STX2: variants seen among roughly 807,000 people sequenced by gnomAD.
STX2 encodes the protein syntaxin-2.
A neutral mutation model predicts 40.6 loss-of-function variants in STX2; 27 were observed. That is an observed-to-expected ratio of 0.66 (90% CI 0.49 to 0.92). STX2 has a LOEUF of 0.92. Ranked by LOEUF, STX2 falls within the 40% of genes least tolerant of loss-of-function variation. STX2 has a pLI of 0.00. For missense variants in STX2, 328 were observed against 366.1 expected (o/e 0.90, Z 0.85); for synonymous variants, 123 against 119.1 (o/e 1.03, Z -0.22).
intron 3 of STX2, among the ~76,000 whole-genome samples, chr12:130,814,030 G>GGGT (rs2136292139): frequency 6.6e-6 from 1 of 152,316 alleles, no homozygotes; most frequent in African/African-American, 2.4e-5. Flanking sequence ...AGCATACGCA[G>GGGT]GGTGCCCCGA....
rs566695954 is a variant in STX2, at chr12:130,837,730, A to T, written c.30+1340T>A. Among the ~76,000 whole-genome samples the T allele has an allele frequency of 2.6e-5, 4 of 152,328 alleles. No homozygotes were observed. The East Asian group carries it at 7.7e-4, about 29-fold the overall frequency. ...GAGTGAGCCACAGCTTTTCTTCATT[A>T]AATAAATACCTGAGCTCCTACTACA... On this transcript the variant is annotated intron_variant, in intron 1 of 10. Transcript: ENST00000392373.
intron 6 of STX2, among the ~76,000 whole-genome samples, chr12:130,803,729 G>C (rs2178073): frequency 0.98 from 147,554 of 150,458 alleles, 72,415 homozygotes; most frequent in East Asian, 1. Flanking sequence ...GTTCACAAAG[G>C]TCTTCCCACC....
In STX2 at chr12:130,799,003, C is replaced by A. The variant is rs375405027; in HGVS notation, c.676-368G>T. Among the ~76,000 whole-genome samples the A allele has an allele frequency of 3.8e-4, 58 of 152,282 alleles. No homozygotes were observed. The East Asian group carries it at 5.4e-3, about 14-fold the overall frequency. ...TATTTTACCATTATGCACAGACAGA[C>A]AATATACAAAGAATGACATCTTTTC... On this transcript the variant is annotated intron_variant, in intron 8 of 10. Transcript: ENST00000392373.
intron 4 of STX2, chr12:130,812,474 A>C (rs780079260): frequency 8.0e-6 from 3 of 374,492 alleles, no homozygotes; most frequent in Non-Finnish European, 1.6e-5. Flanking sequence ...TATCATCTGC[A>C]CAGAGATTGT....
chr12:130,805,603 C>T (rs950578421), intron 6 of STX2, among the ~76,000 whole-genome samples: 1 of 152,186 alleles, frequency 6.6e-6, no homozygotes, highest in African/African-American at 2.4e-5. Context: ...ATGAGGTTCA[C>T]GGCCATCAGA....
intron 3 of STX2, among the ~76,000 whole-genome samples, chr12:130,817,241 T>G (rs907699368): frequency 6.6e-6 from 1 of 152,118 alleles, no homozygotes; most frequent in African/African-American, 2.4e-5. Context: ...TGTAAGATCA[T>G]AAATTTTGTC....
At chr12:130,806,518 C>T (rs1199895863) in intron 6 of STX2, among the ~76,000 whole-genome samples, 1 of 152,172 alleles carries the variant, frequency 6.6e-6, no homozygotes, top group Non-Finnish European at 1.5e-5. Flanking sequence ...AACCTTTATC[C>T]CTGAAACAGA....
At position 130,811,600 on chromosome 12, in the gene STX2, C is replaced by T. The variant is rs181804639; in HGVS notation, c.280+1357G>A. Among the ~76,000 whole-genome samples, 49 of 126,278 alleles carry T rather than the reference C, an allele frequency of 3.9e-4. No homozygotes were observed. In the East Asian group the frequency reaches 8.0e-3, roughly 21 times the overall value. The allele number at this position is 126,278 out of a possible 152,430, so 82.8% of individuals were successfully genotyped here. A position where few individuals can be genotyped will look rare whatever the true frequency, so the allele number is the denominator to read the frequency against. On this transcript the variant is annotated intron_variant, in intron 4 of 10. Coordinates refer to ENST00000392373, the MANE Select transcript of STX2 (RefSeq NM_194356.4). ...TGTCGCCCAGGCTGGAGTGCAGTGG[C>T]GTGATCTCGGCTCACTGCAAGCTCT...
intron 2 of STX2, among the ~76,000 whole-genome samples, chr12:130,825,041 C>CTTTTTTT (rs1277477285): frequency 7.6e-6 from 1 of 132,418 alleles, no homozygotes; most frequent in African/African-American, 2.8e-5. Flanking sequence ...CTTTTCTGTT[C>CTTTTTTT]TTTTTTTTTT....
Position 130,818,185 on chromosome 12 carries a change from A to AATATAT in STX2, c.205+3498_205+3503dup, listed in dbSNP as rs1168152790. On this transcript the variant is annotated intron_variant, in intron 3 of 10. Transcript: ENST00000392373. Reference sequence around the variant, plus strand: ...GCTGTTTCTACAAAAAAAAAAAAAAAATATATATATATATATATATATATA... The same window carrying AATATAT: ...GCTGTTTCTACAAAAAAAAAAAAAAAATATATATATATATATATATATATATATATA... Among the ~76,000 whole-genome samples, 100 of 70,506 alleles carry AATATAT rather than the reference A, an allele frequency of 1.4e-3. 3 individuals are homozygous for AATATAT. The highest frequency in any genetic ancestry group is 0.01 in the African/African-American group (85 of 8,406). 46.3% of individuals were successfully genotyped at this position (70,506 alleles called of 152,430 possible).
chr12:130,831,682 A>C (rs899137498), intron 1 of STX2, among the ~76,000 whole-genome samples: 1 of 152,164 alleles, frequency 6.6e-6, no homozygotes, highest in African/African-American at 2.4e-5. Context: ...CAGTTTGTAA[A>C]TATGGTGCTA....
intron 2 of STX2, among the ~76,000 whole-genome samples, 197 bp downstream of exon 2, chr12:130,826,996 A>G (rs28659959): frequency 0.56 from 84,168 of 149,706 alleles, 26,015 homozygotes; most frequent in East Asian, 0.87. Context: ...GCAACAGAGC[A>G]AGACTCTGTC....
chr12:130,825,361 AT>A (rs1358948420), intron 2 of STX2, among the ~76,000 whole-genome samples: 4 of 152,210 alleles, frequency 2.6e-5, no homozygotes. Context: ...TTTCTATTAA[AT>A]GCAACACTTA....
At chr12:130,802,001 T>C (rs1027313046) in intron 6 of STX2, among the ~76,000 whole-genome samples, 1 of 152,238 alleles carries the variant, frequency 6.6e-6, no homozygotes, top group Non-Finnish European at 1.5e-5. Context: ...CTATTTTTCA[T>C]AGTTTGTGCC....
chr12:130,830,785 C>A (rs1254004891), intron 1 of STX2, among the ~76,000 whole-genome samples: 1 of 152,146 alleles, frequency 6.6e-6, no homozygotes, highest in Non-Finnish European at 1.5e-5. Context: ...GTCTTTCAGG[C>A]TGAGATAGTG....
At chr12:130,808,147 CTCAGGCTCACACTGGCCCACGT>C (rs1304555838) in intron 5 of STX2, among the ~76,000 whole-genome samples, 1 of 152,196 alleles carries the variant, frequency 6.6e-6, no homozygotes, top group Non-Finnish European at 1.5e-5. Context: ...CCTCCCTCAC[CTCAGGCTCACACTGGCCCACGT>C]AAGAGGCGGA....
intron 10 of STX2, among the ~76,000 whole-genome samples, chr12:130,795,111 GAATTCTTTAAGAA>G (rs1359260174): frequency 1.3e-5 from 2 of 152,100 alleles, no homozygotes; most frequent in Non-Finnish European, 2.9e-5. Flanking sequence ...TTTATATTCA[GAATTCTTTAAGAA>G]TTAACAGGCA....
chr12:130,818,184 A>AAT (rs1555222353), intron 3 of STX2, among the ~76,000 whole-genome samples: 1 of 37,254 alleles, frequency 2.7e-5, no homozygotes. Flanking sequence ...AAAAAAAAAA[A>AAT]AATATATATA....
At chr12:130,821,249 A>G (rs1952102474) in intron 3 of STX2, among the ~76,000 whole-genome samples, 1 of 152,224 alleles carries the variant, frequency 6.6e-6, no homozygotes, top group African/African-American at 2.4e-5. Flanking sequence ...TGAGCGCAGC[A>G]CAGTCCATAC....
Sources: gnomAD v4.1 joint callset for allele counts (sites outside exome capture counted in the v4.1 genomes callset) on GRCh38, gnomAD v4.1.1 for gene constraint, MANE v1.5 for transcripts, NCBI Gene and HGNC (gene_info 2026-07-23, HGNC 2026-07-21) for gene names.